Variants in SNTG2 observed in about 807,000 individuals in gnomAD.
SNTG2 encodes gamma-2-syntrophin.
A neutral mutation model predicts 70.9 loss-of-function variants in SNTG2; 74 were observed. The observed-to-expected ratio is 1.04, with a 90% confidence interval of 0.86 to 1.27. The LOEUF is 1.27. Among genes scored for constraint, SNTG2 ranks in the 50% most tolerant of loss-of-function variants. The pLI, the probability that SNTG2 is intolerant of heterozygous loss-of-function variation, is 0.00. For missense variants in SNTG2, 717 were observed against 690.7 expected, an observed-to-expected ratio of 1.04 and a Z score of -0.43; for synonymous variants, 278 against 273.8, an observed-to-expected ratio of 1.02 and a Z score of -0.15.
intron 6 of SNTG2, among the ~76,000 whole-genome samples, chr2:1,164,362 T>G (rs1670561369): frequency 8.5e-6 from 1 of 118,002 alleles, no homozygotes; most frequent in African/African-American, 3.6e-5. Context: ...GCCCAAACTG[T>G]GGGCAGTCTC....
intron 2 of SNTG2, among the ~76,000 whole-genome samples, chr2:1,090,347 C>G (rs375928637): frequency 6.6e-6 from 1 of 152,122 alleles, no homozygotes; most frequent in Non-Finnish European, 1.5e-5. Context: ...TGTGTACATT[C>G]GCTAGAAGTT....
chr2:1,341,998 A>C, intron 16 of SNTG2, among the ~76,000 whole-genome samples: 1 of 151,860 alleles, frequency 6.6e-6, no homozygotes, highest in East Asian at 1.9e-4. Flanking sequence ...GCTGTGCACC[A>C]CCTCACCCAG....
At chr2:1,289,201 G>A (rs1236741917) in intron 14 of SNTG2, among the ~76,000 whole-genome samples, 1 of 151,962 alleles carries the variant, frequency 6.6e-6, no homozygotes, top group Non-Finnish European at 1.5e-5. Context: ...TTCCAAATTA[G>A]CAATGATGCC....
intron 1 of SNTG2, among the ~76,000 whole-genome samples, chr2:981,616 T>C (rs932949089): frequency 6.6e-6 from 1 of 151,450 alleles, no homozygotes; most frequent in Non-Finnish European, 1.5e-5. Context: ...TATGCACATA[T>C]GCATATACAC....
intron 4 of SNTG2, among the ~76,000 whole-genome samples, chr2:1,136,309 TAGAA>T (rs1284222676): frequency 6.7e-6 from 1 of 148,822 alleles, no homozygotes; most frequent in Non-Finnish European, 1.5e-5. Context: ...GAGACAGAGA[TAGAA>T]AGAGACAGAG....
intron 6 of SNTG2, among the ~76,000 whole-genome samples, chr2:1,156,048 C>T (rs1669874204): frequency 6.6e-6 from 1 of 152,104 alleles, no homozygotes; most frequent in South Asian, 2.1e-4. Context: ...AGCAAGAGAC[C>T]AAGGGGTAGA....
At chr2:1,282,255 C>T (rs1283926697) in intron 14 of SNTG2, among the ~76,000 whole-genome samples, 2 of 152,060 alleles carry the variant, frequency 1.3e-5, no homozygotes, top group Non-Finnish European at 1.5e-5. Flanking sequence ...TTACGTGCAC[C>T]GCCGAGTTTC....
chr2:1,124,589 C>T (rs1249966428), intron 4 of SNTG2, among the ~76,000 whole-genome samples: 2 of 152,168 alleles, frequency 1.3e-5, no homozygotes, highest in Non-Finnish European at 2.9e-5. Context: ...AGCCACCGCG[C>T]CCGGCCTACT....
chr2:1,074,059 G>T (rs1048991338), intron 1 of SNTG2, among the ~76,000 whole-genome samples: 2 of 152,120 alleles, frequency 1.3e-5, no homozygotes, highest in East Asian at 1.9e-4. Flanking sequence ...AAAGGAAACC[G>T]CCCAGATAGG....
At chr2:1,248,415 G>A (rs1677563976) in intron 12 of SNTG2, among the ~76,000 whole-genome samples, 1 of 152,190 alleles carries the variant, frequency 6.6e-6, no homozygotes, top group Admixed American at 6.5e-5. Flanking sequence ...TCAAACTTCA[G>A]TTTTTCTACT....
chr2:1,327,615 A>T (rs1681813943), intron 16 of SNTG2, among the ~76,000 whole-genome samples: 1 of 152,194 alleles, frequency 6.6e-6, no homozygotes, highest in South Asian at 2.1e-4. Context: ...CCATTGTGTC[A>T]AGTTAAATTT....
chr2:1,220,604 C>T (rs966613629), intron 9 of SNTG2, among the ~76,000 whole-genome samples: 6 of 152,230 alleles, frequency 3.9e-5, no homozygotes, highest in Admixed American at 1.3e-4. Context: ...TTTCTCATTA[C>T]GCCATCTTTA....
At chr2:1,026,367 G>C (rs781748725) in intron 1 of SNTG2, among the ~76,000 whole-genome samples, 26 of 152,192 alleles carry the variant, frequency 1.7e-4, no homozygotes, top group Non-Finnish European at 2.1e-4. Flanking sequence ...ATTTTATGCA[G>C]TTTTTGGCAT....
At chr2:1,191,477 A>C (rs1477998557) in intron 8 of SNTG2, among the ~76,000 whole-genome samples, 1 of 152,210 alleles carries the variant, frequency 6.6e-6, no homozygotes, top group Non-Finnish European at 1.5e-5. Flanking sequence ...AGCAGGGCCC[A>C]GAGAGCTGTA....
intron 9 of SNTG2, among the ~76,000 whole-genome samples, chr2:1,234,500 A>G (rs1363370526): frequency 1.3e-5 from 2 of 152,208 alleles, no homozygotes; most frequent in Non-Finnish European, 1.5e-5. Context: ...TGTTCCTCTC[A>G]GTATTCCTAT....
At chr2:1,031,968 C>T (rs1455363485) in intron 1 of SNTG2, among the ~76,000 whole-genome samples, 2 of 152,000 alleles carry the variant, frequency 1.3e-5, no homozygotes, top group East Asian at 3.8e-4. Flanking sequence ...GATGGTTGCA[C>T]AACTCTGTGA....
At chr2:1,223,347 C>CGGTGCAGGATGGAGGGT (rs1675483878) in intron 9 of SNTG2, among the ~76,000 whole-genome samples, 2 of 95,920 alleles carry the variant, frequency 2.1e-5, no homozygotes, top group African/African-American at 4.0e-5. Flanking sequence ...TGATGGAGGG[C>CGGTGCAGGATGGAGGGT]GTCTCCCTGT....
At chr2:1,128,084 T>A (rs966716989) in intron 4 of SNTG2, among the ~76,000 whole-genome samples, 3 of 152,216 alleles carry the variant, frequency 2.0e-5, no homozygotes, top group Admixed American at 2.0e-4. Flanking sequence ...TTGTCATATG[T>A]GGCCTTTATT....
chr2:1,212,690 T>A (rs564577596), intron 9 of SNTG2, among the ~76,000 whole-genome samples: 5 of 152,300 alleles, frequency 3.3e-5, no homozygotes, highest in South Asian at 4.1e-4. Flanking sequence ...AACATATTTG[T>A]GCAAAGTCCC....
Sources: gnomAD v4.1 joint callset for allele counts (sites outside exome capture counted in the v4.1 genomes callset) on GRCh38, gnomAD v4.1.1 for gene constraint, MANE v1.5 for transcripts, NCBI Gene and HGNC (gene_info 2026-07-23, HGNC 2026-07-21) for gene names.